The following ZPLD1 variants were observed in gnomAD, a reference collection of about 807,000 sequenced individuals.
ZPLD1 encodes the protein zona pellucida like domain containing 1, also known as zona pellucida-like domain-containing protein 1.
ZPLD1 carries 34 observed loss-of-function variants against 47.2 expected under a neutral mutation model. The observed-to-expected ratio is 0.72, with a 90% CI of 0.55 to 0.96. The LOEUF (loss-of-function observed/expected upper bound fraction) is 0.96, where lower values mean the gene tolerates loss of function less well. Ranked by LOEUF, ZPLD1 falls within the 40% of genes least tolerant of loss-of-function variation. The probability of loss-of-function intolerance (pLI) is 0.00; values close to 1 mark genes in which losing one functional copy is unlikely to be tolerated. For missense variants in ZPLD1, 512 were observed against 505.8 expected, an observed-to-expected ratio of 1.01 and a Z score of -0.12; for synonymous variants, 176 against 186.2, an observed-to-expected ratio of 0.95 and a Z score of 0.45.
chr3:102,438,469 C>A lies in ZPLD1; in HGVS notation c.-8-11C>A. 1 of 1,602,176 alleles carries A rather than the reference C, an allele frequency of 6.2e-7. No individual in the cohort carries two copies. Among genetic ancestry groups the A allele is most frequent in the Non-Finnish European group, 8.6e-7 (1 of 1,169,224 alleles). The stretch of plus-strand genomic sequence containing the variant: ...GTGGGAGTGTCCACATGATAGATAT[C>A]TCTTTTCCAGGTTTTGCAATGGAAC... On this transcript the variant is annotated splice_polypyrimidine_tract_variant and intron_variant, in intron 2 of 11. Transcript: ENST00000466937.
intron 6 of ZPLD1, among the ~76,000 whole-genome samples, chr3:102,391,699 T>A (rs1036159666): frequency 6.6e-6 from 1 of 152,136 alleles, no homozygotes; most frequent in Non-Finnish European, 1.5e-5. Context: ...TATTTTATGA[T>A]GCAGCAGTCA....
At chr3:102,440,193 A>G (rs6790995) in intron 3 of ZPLD1, among the ~76,000 whole-genome samples, 20,009 of 152,206 alleles carry the variant, frequency 0.13, 1,385 homozygotes, top group Middle Eastern at 0.18. Flanking sequence ...CTTTTTAAAC[A>G]TATCTTTTAA....
intron 8 of ZPLD1, among the ~76,000 whole-genome samples, chr3:102,465,438 G>A (rs1707575843): frequency 6.6e-6 from 1 of 151,984 alleles, no homozygotes; most frequent in Admixed American, 6.6e-5. Flanking sequence ...ACATTTAAAG[G>A]TATTAAAATA....
intron 6 of ZPLD1, among the ~76,000 whole-genome samples, chr3:102,388,324 T>C (rs2107282107): frequency 6.6e-6 from 1 of 152,282 alleles, no homozygotes; most frequent in South Asian, 2.1e-4. Context: ...TTTGTAATTT[T>C]TGGCAATGTT....
chr3:102,386,007 T>C (rs191096646), intron 6 of ZPLD1, among the ~76,000 whole-genome samples: 14 of 152,328 alleles, frequency 9.2e-5, no homozygotes, highest in African/African-American at 3.4e-4. Flanking sequence ...GTGGGTTTCT[T>C]CGAACCGGTA....
At chr3:102,400,520 T>C (rs542448306) in intron 7 of ZPLD1, among the ~76,000 whole-genome samples, 2 of 152,152 alleles carry the variant, frequency 1.3e-5, no homozygotes, top group South Asian at 4.2e-4. Context: ...ACCCTCTGCC[T>C]TCTCCATGCT....
intron 7 of ZPLD1, among the ~76,000 whole-genome samples, chr3:102,399,002 G>A (rs980571322): frequency 3.3e-5 from 5 of 152,080 alleles, no homozygotes; most frequent in Non-Finnish European, 5.9e-5. Flanking sequence ...GTATAACAAC[G>A]CTAGTACATT....
chr3:102,472,851 AT>A (rs1174941971), intron 10 of ZPLD1, among the ~76,000 whole-genome samples: 10 of 152,164 alleles, frequency 6.6e-5, no homozygotes, highest in African/African-American at 9.7e-5. Flanking sequence ...ATTTTAAATA[AT>A]TTTTTAGCTG....
rs772565788 is a variant in ZPLD1 at position 102,438,528 on chromosome 3, T to G, written c.41T>G (p.Val14Gly). Residue 14 changes from valine to glycine, a missense_variant, in exon 3 of 12, where the codon GTG becomes GGG. Transcript: ENST00000466937. ...IWLLLLLTIR[V>G]LPGSAQFNGY... ...TTGCTGCTGCTTCTAACAATTAGAG[T>G]GCTTCCGGGGTCTGCTCAGTTCAAC... 6.2e-7 allele frequency: 1 copy of G among 1,613,980 alleles called. No homozygotes were observed. The highest frequency in any genetic ancestry group is 8.5e-7 in the Non-Finnish European group (1 of 1,179,852).
intron 7 of ZPLD1, among the ~76,000 whole-genome samples, chr3:102,397,999 CAGA>C (rs1706576506): frequency 6.6e-6 from 1 of 152,048 alleles, no homozygotes; most frequent in Non-Finnish European, 1.5e-5. Context: ...TTAATGGAGA[CAGA>C]TCACTTTAAC....
At chr3:102,419,004 T>C (rs1056365964) in intron 8 of ZPLD1, among the ~76,000 whole-genome samples, 7 of 152,056 alleles carry the variant, frequency 4.6e-5, no homozygotes, top group Admixed American at 4.6e-4. Flanking sequence ...ACTATGTTCA[T>C]GTATTTGAGA....
intron 3 of ZPLD1, among the ~76,000 whole-genome samples, chr3:102,441,297 T>C (rs1391614165): frequency 1.3e-5 from 2 of 152,174 alleles, no homozygotes; most frequent in Non-Finnish European, 2.9e-5. Context: ...AAAATCATGT[T>C]AAAAAGTCTG....
At chr3:102,416,106 T>G (rs1576133312) in intron 7 of ZPLD1, among the ~76,000 whole-genome samples, 1 of 151,914 alleles carries the variant, frequency 6.6e-6, no homozygotes, top group Non-Finnish European at 1.5e-5. Flanking sequence ...GAAATCTCCC[T>G]GATAAGGGGC....
upstream of ZPLD1, among the ~76,000 whole-genome samples, chr3:102,433,392 C>T (rs1433154119): frequency 6.6e-6 from 1 of 152,130 alleles, no homozygotes; most frequent in African/African-American, 2.4e-5. Context: ...TTTTCTCATT[C>T]CCCAGTATAG....
At chr3:102,400,380 G>A (rs1011688186) in intron 7 of ZPLD1, among the ~76,000 whole-genome samples, 1 of 152,032 alleles carries the variant, frequency 6.6e-6, no homozygotes, top group Non-Finnish European at 1.5e-5. Flanking sequence ...TAGGCTTAGA[G>A]GTACTGGAAT....
At chr3:102,388,429 G>GTCTCTCTCTCTCTCTCTCTCTCTCTC (rs71781267) in intron 6 of ZPLD1, among the ~76,000 whole-genome samples, 8 of 135,924 alleles carry the variant, frequency 5.9e-5, no homozygotes, top group African/African-American at 2.2e-4. Flanking sequence ...CTCTCCTGGA[G>GTCTCTCTCTCTCTCTCTCTCTCTCTC]TCTCTCTCTC....
In ZPLD1 at chr3:102,452,994, C is replaced by G; in HGVS notation, c.182C>G (p.Ser61Trp). 4 of 1,614,066 alleles carry G rather than the reference C, an allele frequency of 2.5e-6. No homozygotes were observed. The highest frequency in any genetic ancestry group is 3.4e-6 in the Non-Finnish European group (4 of 1,179,992). ...MKINFCTVLF[S>W]GYSETDLALN... ...ATTAATTTTTGCACGGTACTTTTCT[C>G]GGGTTATTCGGAAACAGATCTGGCA... The change falls in exon 4 of 12, where the codon TCG becomes TGG. Residue 61 changes from serine to tryptophan, a missense_variant. Coordinates refer to ENST00000466937, the MANE Select transcript of ZPLD1 (RefSeq NM_001329788.2).
At position 102,470,830 on chromosome 3, in the gene ZPLD1, G is replaced by T. The variant is rs185746855; in HGVS notation, c.1042+328G>T. Among the ~76,000 whole-genome samples the T allele has an allele frequency of 4.3e-3, 649 of 152,104 alleles. 5 individuals carry two copies. The highest frequency in any genetic ancestry group is 0.015 in the African/African-American group (613 of 41,480). On this transcript the variant is annotated intron_variant, in intron 10 of 11. Coordinates refer to ENST00000466937, the MANE Select transcript of ZPLD1 (RefSeq NM_001329788.2). ...GTGTCTCTCTGTTGTCCAGGCTGGG[G>T]TGCAGTGGTGTGATCTCGGCTCACT...
At chr3:102,440,424 G>T (rs1018039907) in intron 3 of ZPLD1, among the ~76,000 whole-genome samples, 2 of 152,060 alleles carry the variant, frequency 1.3e-5, no homozygotes, top group Non-Finnish European at 2.9e-5. Flanking sequence ...GAAGATTAAA[G>T]GATGTTTTTA....
Sources: allele counts gnomAD v4.1 joint callset (sites outside exome capture counted in the v4.1 genomes callset), GRCh38; gene constraint gnomAD v4.1.1; transcripts MANE v1.5; gene names NCBI Gene and HGNC (gene_info 2026-07-23, HGNC 2026-07-21).